The following GMDS variants were observed in gnomAD, a reference collection of about 807,000 sequenced individuals.
GMDS encodes the protein GDP-mannose 4,6-dehydratase.
Under a neutral mutation model 49.9 loss-of-function variants are expected in GMDS, and 20 were observed. That is an observed-to-expected ratio of 0.40 (90% confidence interval 0.28 to 0.58). The LOEUF is 0.58. Among genes scored for constraint, GMDS ranks in the 20% least tolerant of loss-of-function variants. GMDS has a pLI of 0.42. For missense variants in GMDS, 362 were observed against 481.4 expected (o/e 0.75, Z 2.32); for synonymous variants, 177 against 178.6 (o/e 0.99, Z 0.07).
chr6:2,154,104 TAA>T (rs1364687700), intron 1 of GMDS, among the ~76,000 whole-genome samples: 5 of 152,170 alleles, frequency 3.3e-5, no homozygotes, highest in African/African-American at 1.2e-4. Flanking sequence ...AGCATTCAAC[TAA>T]TTATTCTTCC....
At chr6:2,011,311 A>T (rs977924735) in intron 4 of GMDS, among the ~76,000 whole-genome samples, 1 of 152,240 alleles carries the variant, frequency 6.6e-6, no homozygotes, top group African/African-American at 2.4e-5. Flanking sequence ...GATGTTGGTG[A>T]GGATGCAAAG....
At chr6:1,709,717 C>T (rs1765879100) in intron 9 of GMDS, among the ~76,000 whole-genome samples, 1 of 152,210 alleles carries the variant, frequency 6.6e-6, no homozygotes, top group Non-Finnish European at 1.5e-5. Context: ...TAGACTGCTG[C>T]TTACATGAGA....
At chr6:1,792,990 A>G (rs1769602024) in intron 7 of GMDS, among the ~76,000 whole-genome samples, 1 of 152,062 alleles carries the variant, frequency 6.6e-6, no homozygotes, top group African/African-American at 2.4e-5. Context: ...ATTTCCTTAT[A>G]TTTTCCATCT....
intron 1 of GMDS, among the ~76,000 whole-genome samples, chr6:2,173,174 AAT>A (rs1778104084): frequency 6.6e-6 from 1 of 152,232 alleles, no homozygotes; most frequent in Admixed American, 6.5e-5. Flanking sequence ...ACACTTAGGA[AAT>A]ATAATCAGAT....
At chr6:2,094,749 C>A (rs1020775031) in intron 4 of GMDS, among the ~76,000 whole-genome samples, 17 of 152,050 alleles carry the variant, frequency 1.1e-4, no homozygotes, top group Admixed American at 1.1e-3. Flanking sequence ...CAGAAAGCAG[C>A]CCAAATACAG....
intron 9 of GMDS, among the ~76,000 whole-genome samples, chr6:1,667,458 C>T (rs1018862946): frequency 2.6e-5 from 4 of 152,196 alleles, no homozygotes; most frequent in Admixed American, 1.3e-4. Flanking sequence ...AGTATAAACA[C>T]CATTTCCCAG....
intron 7 of GMDS, among the ~76,000 whole-genome samples, chr6:1,815,568 A>C (rs1337387593): frequency 6.6e-6 from 1 of 152,208 alleles, no homozygotes; most frequent in African/African-American, 2.4e-5. Context: ...AACCAAACGA[A>C]AAACAGTCTA....
chr6:1,823,151 C>G (rs1428526036), intron 7 of GMDS, among the ~76,000 whole-genome samples: 1 of 152,054 alleles, frequency 6.6e-6, no homozygotes, highest in Admixed American at 6.6e-5. Flanking sequence ...TAAAATGAAA[C>G]TTATTTGTAC....
rs538722937 is a variant in GMDS at position 1,918,760 on chromosome 6, T to G, written c.771+11343A>C. ...TGAGACCTACCTCAAAATAAATAAG[T>G]AAATCAAAAGTAAAAATAAAGCTAG... On this transcript the variant is annotated intron_variant, in intron 7 of 10. Coordinates refer to ENST00000380815, the MANE Select transcript of GMDS (RefSeq NM_001500.4). 3.9e-5 allele frequency among the ~76,000 whole-genome samples: 6 copies of G among 152,108 alleles called. No homozygotes were observed. The East Asian group carries it at 1.2e-3, about 29-fold the overall frequency.
intron 7 of GMDS, among the ~76,000 whole-genome samples, chr6:1,756,186 TA>T (rs1767933754): frequency 6.6e-6 from 1 of 151,864 alleles, no homozygotes; most frequent in Admixed American, 6.6e-5. Context: ...AAAATACACA[TA>T]TAAACAAAGG....
At chr6:1,910,378 G>C (rs1760990612) in intron 7 of GMDS, among the ~76,000 whole-genome samples, 1 of 151,626 alleles carries the variant, frequency 6.6e-6, no homozygotes, top group African/African-American at 2.4e-5. Context: ...ATTGTACAAT[G>C]TTAAAACACA....
At chr6:1,654,257 G>C (rs888543364) in intron 9 of GMDS, among the ~76,000 whole-genome samples, 1 of 152,120 alleles carries the variant, frequency 6.6e-6, no homozygotes, top group Admixed American at 6.5e-5. Context: ...TCCACTTCTG[G>C]GCTAGTAACC....
At chr6:1,672,284 A>T (rs1310225917) in intron 9 of GMDS, among the ~76,000 whole-genome samples, 2 of 152,248 alleles carry the variant, frequency 1.3e-5, no homozygotes, top group Non-Finnish European at 2.9e-5. Context: ...AATGAGAGTC[A>T]GGATAGACAT....
intron 4 of GMDS, among the ~76,000 whole-genome samples, chr6:2,098,656 C>A (rs1273572682): frequency 1.3e-5 from 2 of 152,020 alleles, no homozygotes; most frequent in Non-Finnish European, 2.9e-5. Context: ...TCGGAGTAAA[C>A]CTCTTAGGAA....
intron 7 of GMDS, among the ~76,000 whole-genome samples, chr6:1,758,809 G>A (rs536966196): frequency 7.9e-5 from 12 of 152,318 alleles, no homozygotes; most frequent in Admixed American, 5.9e-4. Context: ...GGTGGCTCAC[G>A]CCTGTAATCC....
intron 4 of GMDS, among the ~76,000 whole-genome samples, chr6:2,026,688 T>C (rs551018842): frequency 6.6e-6 from 1 of 152,310 alleles, no homozygotes; most frequent in South Asian, 2.1e-4. Context: ...TTCCTCCCAG[T>C]GCCTGGTTTG....
intron 4 of GMDS, among the ~76,000 whole-genome samples, chr6:2,018,897 T>C (rs1424079454): frequency 6.6e-6 from 1 of 152,118 alleles, no homozygotes; most frequent in Non-Finnish European, 1.5e-5. Flanking sequence ...ATTTAACCTT[T>C]CAAGGAACTG....
intron 9 of GMDS, among the ~76,000 whole-genome samples, chr6:1,673,333 C>T (rs981084254): frequency 2.7e-5 from 4 of 150,934 alleles, no homozygotes; most frequent in African/African-American, 9.7e-5. Context: ...TTTTTTTCAA[C>T]TTCGTGACTT....
intron 4 of GMDS, among the ~76,000 whole-genome samples, chr6:2,018,122 A>G (rs1466607806): frequency 6.6e-6 from 1 of 152,164 alleles, no homozygotes; most frequent in Non-Finnish European, 1.5e-5. Flanking sequence ...ACAGTTCTGT[A>G]TAACTTTTAT....
Sources: gnomAD v4.1 joint callset for allele counts (sites outside exome capture counted in the v4.1 genomes callset) on GRCh38, gnomAD v4.1.1 for gene constraint, MANE v1.5 for transcripts, NCBI Gene and HGNC (gene_info 2026-07-23, HGNC 2026-07-21) for gene names.